Variants in SGK3 observed in about 807,000 individuals in gnomAD.
SGK3 encodes the protein serum/glucocorticoid regulated kinase family member 3, also known as serine/threonine-protein kinase Sgk3.
A neutral mutation model predicts 68.5 loss-of-function variants in SGK3; 47 were observed. That is an observed-to-expected ratio of 0.69 (90% CI 0.54 to 0.87). The LOEUF (loss-of-function observed/expected upper bound fraction) is 0.87. Among genes scored for constraint, SGK3 ranks in the 40% least tolerant of loss-of-function variants. SGK3 has a pLI of 0.00. For missense variants in SGK3, 479 were observed against 575.5 expected, an observed-to-expected ratio of 0.83 and a Z score of 1.72; for synonymous variants, 181 against 189.1, an observed-to-expected ratio of 0.96 and a Z score of 0.35.
chr8:66,720,794 T>TATATATAA (rs1345105959), intron 1 of SGK3, among the ~76,000 whole-genome samples: 1 of 149,734 alleles, frequency 6.7e-6, no homozygotes, highest in African/African-American at 2.5e-5. Context: ...TATATATATA[T>TATATATAA]AATTAGCCAG....
intron 1 of SGK3, among the ~76,000 whole-genome samples, chr8:66,742,779 G>A (rs756226851): frequency 2.6e-5 from 4 of 152,140 alleles, no homozygotes; most frequent in Non-Finnish European, 4.4e-5. Context: ...CACATTTTTT[G>A]TATCTCCATT....
intron 9 of SGK3, 32 bp from the exon 10 acceptor site, chr8:66,835,911 A>G (rs749187349): frequency 1.2e-6 from 2 of 1,612,766 alleles, no homozygotes; most frequent in Admixed American, 1.7e-5. Context: ...TTTCTAGTGT[A>G]TAATACAATT....
At chr8:66,773,919 C>T (rs541106599) in intron 1 of SGK3, among the ~76,000 whole-genome samples, 3 of 152,254 alleles carry the variant, frequency 2.0e-5, no homozygotes, top group South Asian at 2.1e-4. Flanking sequence ...GGGTATGTGT[C>T]GGGGACTGGT....
At chr8:66,796,321 ATTTTTTTTTTTTTTTTTT>A (rs71249408) in intron 2 of SGK3, among the ~76,000 whole-genome samples, 2 of 41,362 alleles carry the variant, frequency 4.8e-5, no homozygotes, top group South Asian at 3.2e-3. Flanking sequence ...TATTTTTTGT[ATTTTTTTTTTTTTTTTTT>A]TTTTTTTTTT....
At chr8:66,751,502 C>A (rs568234595) in intron 1 of SGK3, among the ~76,000 whole-genome samples, 2 of 152,144 alleles carry the variant, frequency 1.3e-5, no homozygotes, top group African/African-American at 4.8e-5. Context: ...TGAGTCATCA[C>A]TTCTGGAAAG....
At chr8:66,786,709 T>C (rs1230013550) in intron 1 of SGK3, among the ~76,000 whole-genome samples, 1 of 152,146 alleles carries the variant, frequency 6.6e-6, no homozygotes, top group Non-Finnish European at 1.5e-5. Context: ...TCTTTCCAGA[T>C]ACAATTGAGG....
chr8:66,757,071 T>C (rs949419850), intron 1 of SGK3, among the ~76,000 whole-genome samples: 6 of 151,762 alleles, frequency 4.0e-5, no homozygotes, highest in Admixed American at 6.6e-5. Context: ...ATTCAATGCA[T>C]AGTGCAAAAG....
chr8:66,754,942 G>A (rs1417054894), intron 1 of SGK3, among the ~76,000 whole-genome samples: 2 of 152,168 alleles, frequency 1.3e-5, no homozygotes, highest in Non-Finnish European at 2.9e-5. Flanking sequence ...AGCATCCCCA[G>A]AATACCTGCA....
chr8:66,835,869 C>T (rs780709097), intron 9 of SGK3, 23 bp downstream of exon 9: 1 of 1,609,396 alleles, frequency 6.2e-7, no homozygotes, highest in South Asian at 1.1e-5. Context: ...AGTTGTTTCT[C>T]TCAAGCCCAT....
chr8:66,765,374 T>C (rs1806285672), intron 1 of SGK3, among the ~76,000 whole-genome samples: 1 of 152,264 alleles, frequency 6.6e-6, no homozygotes, highest in African/African-American at 2.4e-5. Flanking sequence ...AAATGTCTAC[T>C]TAAGTCTTTT....
chr8:66,855,090 A>G (rs1303052283), intron 16 of SGK3, among the ~76,000 whole-genome samples: 1 of 152,230 alleles, frequency 6.6e-6, no homozygotes, highest in African/African-American at 2.4e-5. Flanking sequence ...AAGACCTAAG[A>G]TAATGTTTTT....
intron 14 of SGK3, among the ~76,000 whole-genome samples, chr8:66,846,796 A>G (rs781446351): frequency 9.9e-5 from 15 of 152,144 alleles, no homozygotes; most frequent in Non-Finnish European, 1.9e-4. Flanking sequence ...TCTACTAGAA[A>G]TCCCTTTGTT....
intron 7 of SGK3, among the ~76,000 whole-genome samples, chr8:66,829,399 G>A (rs1369351068): frequency 6.6e-6 from 1 of 152,082 alleles, no homozygotes; most frequent in African/African-American, 2.4e-5. Context: ...TGGGAGAAGT[G>A]GTCCAAGGAC....
At position 66,859,705 on chromosome 8, in the gene SGK3, CTA is replaced by C. The variant is rs1467042707; in HGVS notation, c.*126_*127del. On this transcript the variant is annotated 3_prime_UTR_variant, in exon 17 of 17. Coordinates refer to ENST00000521198, the MANE Select transcript of SGK3 (RefSeq NM_001033578.3). ...TCATTTTTATATGTAATGATGAAAACTATGAAAAAATGTATTTTCTTCTATGT... is the reference window on the plus strand; with the variant it reads ...TCATTTTTATATGTAATGATGAAAACTGAAAAAATGTATTTTCTTCTATGT... The C allele has an allele frequency of 3.5e-6, 4 of 1,145,104 alleles. No individual in the cohort carries two copies. Among genetic ancestry groups the C allele is most frequent in the Non-Finnish European group, 4.6e-6 (4 of 876,186 alleles). 70.9% of individuals were successfully genotyped at this position (1,145,104 alleles called of 1,614,324 possible). A position where few individuals can be genotyped will look rare whatever the true frequency, so the allele number is the denominator to read the frequency against.
chr8:66,794,081 CAG>C (rs1293835831), intron 2 of SGK3, among the ~76,000 whole-genome samples: 2 of 152,184 alleles, frequency 1.3e-5, no homozygotes, highest in Admixed American at 6.5e-5. Context: ...ATCTTCTTAA[CAG>C]AAAATGTGCA....
Position 66,768,086 on chromosome 8 carries a change from C to T in SGK3, c.-121-25530C>T, listed in dbSNP as rs897757509. 8.0e-6 allele frequency: 4 copies of T among 499,826 alleles called. No homozygotes were observed. The East Asian group carries it at 1.2e-4, about 15-fold the overall frequency. 31.0% of individuals were successfully genotyped at this position (499,826 alleles called of 1,614,324 possible). On this transcript the variant is annotated intron_variant, in intron 1 of 16. Coordinates refer to ENST00000521198, the MANE Select transcript of SGK3 (RefSeq NM_001033578.3). ...GTCTATCTTCATTTGAATTATACCA[C>T]ATCACTTATAGAATACTTACACTTA...
intron 1 of SGK3, among the ~76,000 whole-genome samples, chr8:66,780,661 A>C (rs758880969): frequency 6.6e-6 from 1 of 152,146 alleles, no homozygotes; most frequent in Non-Finnish European, 1.5e-5. Flanking sequence ...AGTCTAGTGA[A>C]CACAGAGGCG....
intron 2 of SGK3, among the ~76,000 whole-genome samples, chr8:66,797,165 C>T (rs1195088128): frequency 6.6e-6 from 1 of 152,142 alleles, no homozygotes; most frequent in African/African-American, 2.4e-5. Flanking sequence ...TTTGGGTAGC[C>T]AGGGGAGGCC....
chr8:66,850,869 C>T lies in SGK3; in HGVS notation c.1269C>T (p.Ser423=). ...IQNHPFFESL[S]WADLVQKKIP... The stretch of plus-strand genomic sequence containing the variant: ...ATCATCCTTTTTTTGAATCACTCAG[C>T]TGGGCTGACCTTGTACAAAAGAAGA... Residue 423 remains serine, a synonymous_variant, in exon 16 of 17, where the codon AGC becomes AGT. Coordinates refer to ENST00000521198, the MANE Select transcript of SGK3 (RefSeq NM_001033578.3). The T allele has an allele frequency of 6.2e-7, 1 of 1,611,384 alleles. No individual in the cohort carries two copies. The highest frequency in any genetic ancestry group is 1.1e-5 in the South Asian group (1 of 90,480).
Sources: gnomAD v4.1 joint callset for allele counts (sites outside exome capture counted in the v4.1 genomes callset) on GRCh38, gnomAD v4.1.1 for gene constraint, MANE v1.5 for transcripts, NCBI Gene and HGNC (gene_info 2026-07-23, HGNC 2026-07-21) for gene names.